The following SLC45A4 variants were observed in gnomAD, a reference collection of about 807,000 sequenced individuals.
SLC45A4 encodes solute carrier family 45 member 4, also known as polyamine-transporter SLC45A4.
SLC45A4 carries 32 observed loss-of-function variants against 63.7 expected under a neutral mutation model. The ratio of observed to expected loss-of-function variants is 0.50; its 90% CI spans 0.38 to 0.67. SLC45A4 has a LOEUF of 0.67. Ranked by LOEUF, SLC45A4 falls within the 30% of genes least tolerant of loss-of-function variation. SLC45A4 has a pLI of 0.00. For synonymous variants in SLC45A4, 535 were observed against 510.0 expected (o/e 1.05, Z -0.66); for missense variants, 1,027 against 1,157.7 (o/e 0.89, Z 1.64).
At chr8:141,274,974 G>A (rs1829677392) in intron 1 of SLC45A4, among the ~76,000 whole-genome samples, 1 of 152,254 alleles carries the variant, frequency 6.6e-6, no homozygotes, top group South Asian at 2.1e-4. Context: ...GGAGAGGGCA[G>A]AACGGCCACT....
rs190006729 is a variant in SLC45A4 at position 141,237,632 on chromosome 8, C to T, written c.242-15867G>A. Among the ~76,000 whole-genome samples, 13 of 152,246 alleles carry T rather than the reference C, an allele frequency of 8.5e-5. 1 individual carries two copies. In the East Asian group the frequency reaches 1.7e-3, roughly 20 times the overall value. The stretch of plus-strand genomic sequence containing the variant: ...CCAGGGCAAAAATCACAACCCTCAC[C>T]CCAAAGCCACACGGTGTCCCTCACC... On this transcript the variant is annotated intron_variant, in intron 2 of 8. Coordinates refer to ENST00000517878, the MANE Select transcript of SLC45A4 (RefSeq NM_001286646.2).
chr8:141,249,669 G>A (rs945389180), intron 2 of SLC45A4, among the ~76,000 whole-genome samples: 6 of 152,156 alleles, frequency 3.9e-5, no homozygotes, highest in South Asian at 2.1e-4. Flanking sequence ...CAAACTGCCC[G>A]GAGTGAAGGT....
chr8:141,266,507 G>T (rs1166337384), intron 1 of SLC45A4, among the ~76,000 whole-genome samples: 1 of 152,192 alleles, frequency 6.6e-6, no homozygotes, highest in East Asian at 1.9e-4. Context: ...GATGGCCACG[G>T]AGAGGAACAC....
chr8:141,240,371 C>T (rs908664166), intron 2 of SLC45A4, among the ~76,000 whole-genome samples: 5 of 152,186 alleles, frequency 3.3e-5, no homozygotes, highest in African/African-American at 1.2e-4. Flanking sequence ...AGTATACTTC[C>T]TGAACCAAGA....
Position 141,219,595 on chromosome 8 carries a change from A to T in SLC45A4, c.610+55T>A, listed in dbSNP as rs1826452338. On this transcript the variant is annotated intron_variant, in intron 4 of 8. Coordinates refer to ENST00000517878, the MANE Select transcript of SLC45A4 (RefSeq NM_001286646.2). ...ACACAGGCTCCTGTCCCCTCCCCACACCAGGCCCGGGCACGTTGGAACCCG... is the reference window on the plus strand; with the variant it reads ...ACACAGGCTCCTGTCCCCTCCCCACTCCAGGCCCGGGCACGTTGGAACCCG... 21 of 1,549,838 alleles carry T rather than the reference A, an allele frequency of 1.4e-5. No homozygotes were observed. In the South Asian group the frequency reaches 2.2e-4, roughly 16 times the overall value.
rs763483110 is a variant in SLC45A4 at position 141,215,986 on chromosome 8, C to T, written c.1730-16G>A. The T allele has an allele frequency of 1.2e-6, 2 of 1,610,144 alleles. No individual in the cohort carries two copies. Among genetic ancestry groups the T allele is most frequent in the South Asian group, 2.2e-5 (2 of 90,782 alleles). Reference sequence around the variant, plus strand: ...TGTAACAGGGCTGCAGAGAGGGGCACAGGGACAAGGACAGTGGGCAGGCGG... The same window carrying T: ...TGTAACAGGGCTGCAGAGAGGGGCATAGGGACAAGGACAGTGGGCAGGCGG... On this transcript the variant is annotated splice_polypyrimidine_tract_variant and intron_variant, in intron 6 of 8. Transcript: ENST00000517878. This position sits in a 1 kb window ranked among gnomAD's most constrained non-coding sequence, Gnocchi z 4.3.
intron 3 of SLC45A4, 72 bp from the exon 4 acceptor site, chr8:141,219,901 A>AT: frequency 7.1e-7 from 1 of 1,408,634 alleles, no homozygotes. Context: ...GCAAACAGCC[A>AT]CATGGAAGGG....
chr8:141,227,480 C>T lies in SLC45A4; in HGVS notation c.242-5715G>A, dbSNP rs1268181230. On this transcript the variant is annotated intron_variant, in intron 2 of 8. Coordinates refer to ENST00000517878, the MANE Select transcript of SLC45A4 (RefSeq NM_001286646.2). This position sits in a 1 kb window ranked among gnomAD's most constrained non-coding sequence, Gnocchi z 4.4. Reference sequence around the variant, plus strand: ...CCAAATGCCACAGTGCGGCGAAACTCGTGAGCACAAGTCCTGCGTGGGAAA... The same window carrying T: ...CCAAATGCCACAGTGCGGCGAAACTTGTGAGCACAAGTCCTGCGTGGGAAA... Among the ~76,000 whole-genome samples, 2 of 152,344 alleles carry T rather than the reference C, an allele frequency of 1.3e-5. No homozygotes were observed. Among genetic ancestry groups the T allele is most frequent in the South Asian group, 2.1e-4 (1 of 4,828 alleles).
chr8:141,232,152 C>T (rs1827387449), intron 2 of SLC45A4, among the ~76,000 whole-genome samples: 1 of 152,252 alleles, frequency 6.6e-6, no homozygotes, highest in Non-Finnish European at 1.5e-5. Context: ...TCTGCCTAAG[C>T]TCATACAGAT....
intron 2 of SLC45A4, among the ~76,000 whole-genome samples, chr8:141,237,459 G>A (rs1469545629): frequency 6.6e-6 from 1 of 152,180 alleles, no homozygotes; most frequent in Admixed American, 6.5e-5. Context: ...CTGCCTCCTG[G>A]CTTCCAGCCC....
chr8:141,284,132 C>T (rs1433381469), intron 1 of SLC45A4, among the ~76,000 whole-genome samples: 1 of 152,252 alleles, frequency 6.6e-6, no homozygotes, highest in Non-Finnish European at 1.5e-5. Context: ...CACCTTCCCC[C>T]AAACCACCCG....
intron 2 of SLC45A4, among the ~76,000 whole-genome samples, chr8:141,234,344 G>A (rs944330758): frequency 1.3e-5 from 2 of 152,220 alleles, no homozygotes; most frequent in Non-Finnish European, 2.9e-5. Context: ...CCTCCTCGTG[G>A]GCCTAGCTTG....
intron 1 of SLC45A4, among the ~76,000 whole-genome samples, chr8:141,303,303 T>C (rs1830804697): frequency 7.6e-6 from 1 of 131,254 alleles, no homozygotes; most frequent in Non-Finnish European, 1.7e-5. Context: ...GGCTAATTTT[T>C]GTTTTTTTTT....
chr8:141,258,910 G>T (rs1345756303), intron 1 of SLC45A4, among the ~76,000 whole-genome samples: 1 of 140,010 alleles, frequency 7.1e-6, no homozygotes. Context: ...AAAAAAAACA[G>T]ACTCTAAAAC....
chr8:141,212,412 G>T lies in SLC45A4; in HGVS notation c.2086C>A (p.Pro696Thr), dbSNP rs775831890. 1.2e-6 allele frequency: 2 copies of T among 1,613,760 alleles called. No individual in the cohort carries two copies. The highest frequency in any genetic ancestry group is 2.7e-5 in the African/African-American group (2 of 75,030). ...VDAVGTVRVI[P>T]MVASVGSFLG... ...AAAGAGCCCACAGAGGCCACCATGG[G>T]GATGACGCGGACAGTCCCCACGGCG... Residue 696 changes from proline to threonine, a missense_variant, in exon 8 of 9, where the codon CCC becomes ACC. Coordinates refer to ENST00000517878, the MANE Select transcript of SLC45A4 (RefSeq NM_001286646.2).
intron 2 of SLC45A4, among the ~76,000 whole-genome samples, chr8:141,237,436 C>G (rs1827686310): frequency 6.6e-6 from 1 of 152,204 alleles, no homozygotes; most frequent in African/African-American, 2.4e-5. Flanking sequence ...TGACCCCTTG[C>G]AACTTGGGGG....
chr8:141,226,874 C>T (rs1308002353), intron 2 of SLC45A4: 3 of 152,228 alleles, frequency 2.0e-5, no homozygotes, highest in Admixed American at 6.5e-5. Context: ...GTGAGTGGTC[C>T]CGAGTATCAG....
At chr8:141,258,100 A>G (rs1284985897) in intron 1 of SLC45A4, among the ~76,000 whole-genome samples, 4 of 146,302 alleles carry the variant, frequency 2.7e-5, no homozygotes, top group African/African-American at 1.0e-4. Context: ...CTTTAAAAAC[A>G]CAACACCTAT....
chr8:141,219,006 C>A lies in SLC45A4; in HGVS notation c.634G>T (p.Val212Leu), dbSNP rs747821881. Residue 212 changes from valine to leucine, a missense_variant, in exon 5 of 9, where the codon GTG becomes TTG. Val to Leu is a conservative substitution (Grantham distance 32, BLOSUM62 1). Transcript: ENST00000517878. Reference sequence around the variant, plus strand: ...TGGGTCCAGTCCAGCCCACCCAGCACGTAGCCGATGGCTCCGCCGAGGCCT... The same window carrying A: ...TGGGTCCAGTCCAGCCCACCCAGCAAGTAGCCGATGGCTCCGCCGAGGCCT... The part of the protein sequence containing the change: ...SAGLGGAIGY[V>L]LGGLDWTQTF... 1 of 1,612,204 alleles carries A rather than the reference C, an allele frequency of 6.2e-7. No homozygotes were observed. The highest frequency in any genetic ancestry group is 2.2e-5 in the East Asian group (1 of 44,838).
Sources: gnomAD v4.1 joint callset for allele counts (sites outside exome capture counted in the v4.1 genomes callset) on GRCh38, gnomAD v4.1.1 for gene constraint, Gnocchi (gnomAD v3.1) non-coding constraint, MANE v1.5 for transcripts, NCBI Gene and HGNC (gene_info 2026-07-23, HGNC 2026-07-21) for gene names.